CLTA: variants seen among roughly 807,000 people sequenced by gnomAD.
CLTA encodes clathrin light chain A, also known as clathrin, light polypeptide (Lca).
CLTA carries 9 observed loss-of-function variants against 26.9 expected under a neutral mutation model. The observed-to-expected ratio is 0.33, with a 90% CI of 0.20 to 0.58. CLTA has a LOEUF of 0.58. Among genes scored for constraint, CLTA ranks in the 20% least tolerant of loss-of-function variants. The probability of loss-of-function intolerance (pLI) is 0.85; values close to 1 mark genes in which losing one functional copy is unlikely to be tolerated. For missense variants in CLTA, 278 were observed against 294.2 expected (o/e 0.94, Z 0.40); for synonymous variants, 120 against 115.5 (o/e 1.04, Z -0.25).
chr9:36,206,820 G>A (rs992953494), intron 4 of CLTA, among the ~76,000 whole-genome samples: 2 of 152,062 alleles, frequency 1.3e-5, no homozygotes, highest in Admixed American at 6.6e-5. Context: ...ACTAGAACCC[G>A]GGAGGCAGAG....
chr9:36,210,756 C>T (rs1309838207), intron 4 of CLTA: 1 of 1,442,248 alleles, frequency 6.9e-7, no homozygotes, highest in African/African-American at 1.4e-5. Flanking sequence ...CCACGGCCAT[C>T]CCTGTGATAG....
In CLTA at chr9:36,201,796, C is replaced by T. The variant is rs968060204; in HGVS notation, c.374-2272C>T. Among the ~76,000 whole-genome samples, 8 of 152,190 alleles carry T rather than the reference C, an allele frequency of 5.3e-5. No individual in the cohort carries two copies. In the East Asian group the frequency reaches 1.5e-3, roughly 29 times the overall value. On this transcript the variant is annotated intron_variant, in intron 3 of 4. Coordinates refer to ENST00000345519, the MANE Select transcript of CLTA (RefSeq NM_001833.4). ...TGCATTCCACATCTGTACTTCATGC[C>T]ATGGATAGACACATATTAGATGTTT...
At chr9:36,198,537 G>A (rs940186058) in intron 2 of CLTA, among the ~76,000 whole-genome samples, 6 of 151,674 alleles carry the variant, frequency 4.0e-5, no homozygotes, top group African/African-American at 1.2e-4. Context: ...TTAACCAGGC[G>A]GTAGTGGCAT....
At chr9:36,197,349 T>C (rs1827118564) in intron 1 of CLTA, among the ~76,000 whole-genome samples, 1 of 152,228 alleles carries the variant, frequency 6.6e-6, no homozygotes, top group African/African-American at 2.4e-5. Flanking sequence ...CTTGGGAGCT[T>C]AAGGACAGAT....
intron 2 of CLTA, among the ~76,000 whole-genome samples, chr9:36,198,496 G>A (rs1395149639): frequency 1.3e-5 from 2 of 151,828 alleles, no homozygotes; most frequent in African/African-American, 2.4e-5. Context: ...GGCCAACACA[G>A]TGAAACCCGT....
At chr9:36,202,808 A>C (rs886412341) in intron 3 of CLTA, among the ~76,000 whole-genome samples, 11 of 151,726 alleles carry the variant, frequency 7.2e-5, no homozygotes, top group Non-Finnish European at 1.5e-4. Context: ...AGTAGCTATG[A>C]CATGTATTTC....
At chr9:36,207,016 G>A (rs1205052380) in intron 4 of CLTA, among the ~76,000 whole-genome samples, 1 of 152,192 alleles carries the variant, frequency 6.6e-6, no homozygotes, top group East Asian at 1.9e-4. Flanking sequence ...AAGATGAGAA[G>A]TTTGAAAGAG....
chr9:36,195,215 G>T (rs980265886), intron 1 of CLTA, among the ~76,000 whole-genome samples: 2 of 152,196 alleles, frequency 1.3e-5, no homozygotes, highest in African/African-American at 4.8e-5. Context: ...GTGAGTATTT[G>T]TCTATCTCAT....
intron 1 of CLTA, among the ~76,000 whole-genome samples, chr9:36,194,304 G>A (rs762629537): frequency 1.3e-5 from 2 of 152,216 alleles, no homozygotes; most frequent in Non-Finnish European, 2.9e-5. Flanking sequence ...TGGAATTACA[G>A]GTGTGAACCA....
At chr9:36,192,908 C>T (rs1826817649) in intron 1 of CLTA, among the ~76,000 whole-genome samples, 1 of 152,180 alleles carries the variant, frequency 6.6e-6, no homozygotes, top group African/African-American at 2.4e-5. Flanking sequence ...GGAAGATTGT[C>T]CTGATTCAAG....
chr9:36,207,182 C>T (rs1444033981), intron 4 of CLTA, among the ~76,000 whole-genome samples: 4 of 152,140 alleles, frequency 2.6e-5, no homozygotes, highest in African/African-American at 9.7e-5. Context: ...ATTGTCAGTC[C>T]CCAGACTGCA....
At chr9:36,198,677 T>G (rs1587216611) in intron 2 of CLTA, among the ~76,000 whole-genome samples, 1 of 123,954 alleles carries the variant, frequency 8.1e-6, no homozygotes, top group Non-Finnish European at 1.7e-5. Flanking sequence ...TAAGACCCTG[T>G]CCCGTCCCCC....
chr9:36,206,702 C>G (rs1827744693), intron 4 of CLTA, among the ~76,000 whole-genome samples: 1 of 151,976 alleles, frequency 6.6e-6, no homozygotes, highest in Non-Finnish European at 1.5e-5. Flanking sequence ...TGAGACCAGC[C>G]TGCCCAACAT....
At chr9:36,193,263 T>C (rs1587197697) in intron 1 of CLTA, among the ~76,000 whole-genome samples, 1 of 152,164 alleles carries the variant, frequency 6.6e-6, no homozygotes, top group South Asian at 2.1e-4. Context: ...GCATTTCCTT[T>C]GGAGTTTAGA....
At chr9:36,210,786 C>A in intron 4 of CLTA, 2 of 1,041,112 alleles carry the variant, frequency 1.9e-6, no homozygotes, top group Non-Finnish European at 3.0e-6. Flanking sequence ...TCCGTCCCCA[C>A]AGACCAGTCA....
chr9:36,199,198 C>G, intron 3 of CLTA, 102 bp downstream of exon 3: 1 of 796,010 alleles, frequency 1.3e-6, no homozygotes, highest in Non-Finnish European at 2.2e-6. Context: ...GTGTCATTGT[C>G]TGGTCTTTGG....
At chr9:36,208,993 T>C (rs1827883370) in intron 4 of CLTA, among the ~76,000 whole-genome samples, 3 of 152,238 alleles carry the variant, frequency 2.0e-5, no homozygotes, top group Middle Eastern at 3.4e-3. Context: ...ATTGGGTGCT[T>C]AATAAATGCC....
chr9:36,199,158 CT>C, intron 3 of CLTA, 62 bp downstream of exon 3: 1 of 1,021,354 alleles, frequency 9.8e-7, no homozygotes, highest in South Asian at 1.3e-5. Context: ...CTGGACTCTA[CT>C]TTTATTCCTT....
At position 36,200,266 on chromosome 9, in the gene CLTA, A is replaced by G. The variant is rs564211078; in HGVS notation, c.373+1170A>G. Reference sequence around the variant, plus strand: ...TTTACAGAACAATTGAAAGGAGGAAAATAAACATGTGCACCCCCAGATTCA... The same window carrying G: ...TTTACAGAACAATTGAAAGGAGGAAGATAAACATGTGCACCCCCAGATTCA... On this transcript the variant is annotated intron_variant, in intron 3 of 4. Transcript: ENST00000345519. Among the ~76,000 whole-genome samples, 326 of 152,312 alleles carry G rather than the reference A, an allele frequency of 2.1e-3. 1 individual carries two copies. The highest frequency in any genetic ancestry group is 7.1e-3 in the African/African-American group (296 of 41,566).
Sources: allele counts gnomAD v4.1 joint callset (sites outside exome capture counted in the v4.1 genomes callset), GRCh38; gene constraint gnomAD v4.1.1; transcripts MANE v1.5; gene names NCBI Gene and HGNC (gene_info 2026-07-23, HGNC 2026-07-21).